DNM3: variants seen among roughly 807,000 people sequenced by gnomAD.
The protein encoded by DNM3 is dynamin 3.
Under a neutral mutation model 101.6 loss-of-function variants are expected in DNM3, and 47 were observed. The ratio of observed to expected loss-of-function variants is 0.46; its 90% CI spans 0.37 to 0.59. DNM3 has a LOEUF of 0.59. Ranked by LOEUF, DNM3 falls within the 20% of genes least tolerant of loss-of-function variation. The probability of loss-of-function intolerance (pLI) is 0.00; values close to 1 mark genes in which losing one functional copy is unlikely to be tolerated. For synonymous variants in DNM3, 385 were observed against 387.9 expected (o/e 0.99, Z 0.09); for missense variants, 849 against 1,085.7 (o/e 0.78, Z 3.06).
chr1:172,109,155 G>A (rs1202828378), intron 13 of DNM3, among the ~76,000 whole-genome samples: 2 of 151,858 alleles, frequency 1.3e-5, no homozygotes, highest in African/African-American at 2.4e-5. Context: ...GTTTAATATC[G>A]AGTCATTTTA....
At chr1:172,058,936 A>G (rs2050896846) in intron 10 of DNM3, among the ~76,000 whole-genome samples, 1 of 152,228 alleles carries the variant, frequency 6.6e-6, no homozygotes, top group Non-Finnish European at 1.5e-5. Flanking sequence ...AACAAAATTG[A>G]TAGACTGCTA....
chr1:172,250,429 A>G (rs972433765), intron 14 of DNM3, among the ~76,000 whole-genome samples: 1 of 152,192 alleles, frequency 6.6e-6, no homozygotes, highest in Non-Finnish European at 1.5e-5. Flanking sequence ...TAAAGAGGTT[A>G]GTGGATTTTC....
chr1:172,151,655 T>C (rs543000004), intron 14 of DNM3, among the ~76,000 whole-genome samples: 1 of 152,310 alleles, frequency 6.6e-6, no homozygotes, highest in East Asian at 1.9e-4. Context: ...AATCATTTTT[T>C]CTTTAAAGGA....
chr1:172,092,957 C>A, intron 13 of DNM3, 82 bp downstream of exon 13: 2 of 1,307,388 alleles, frequency 1.5e-6, no homozygotes, highest in Non-Finnish European at 1.0e-6. Context: ...TTTTTTAATG[C>A]AAATTAATCA....
chr1:172,234,548 G>A (rs534870565), intron 14 of DNM3, among the ~76,000 whole-genome samples: 1 of 152,188 alleles, frequency 6.6e-6, no homozygotes, highest in African/African-American at 2.4e-5. Context: ...AAGTTCATAT[G>A]CAACCAAAAA....
chr1:171,914,862 A>C (rs2039589899), intron 1 of DNM3, among the ~76,000 whole-genome samples: 1 of 152,100 alleles, frequency 6.6e-6, no homozygotes, highest in East Asian at 1.9e-4. Flanking sequence ...CTCTGAGGGA[A>C]CACACAAGGG....
At chr1:172,246,491 T>C (rs2061960110) in intron 14 of DNM3, among the ~76,000 whole-genome samples, 1 of 152,072 alleles carries the variant, frequency 6.6e-6, no homozygotes. Flanking sequence ...AAAATGTAAA[T>C]TAAGTCTGAG....
At chr1:171,851,292 A>G (rs1489423309) in intron 1 of DNM3, among the ~76,000 whole-genome samples, 1 of 152,188 alleles carries the variant, frequency 6.6e-6, no homozygotes, top group East Asian at 1.9e-4. Context: ...GTGCCGGCAT[A>G]TGGCAGGAGC....
chr1:172,350,385 C>T (rs1056332450), intron 17 of DNM3, among the ~76,000 whole-genome samples: 1 of 151,648 alleles, frequency 6.6e-6, no homozygotes, highest in Admixed American at 6.6e-5. Flanking sequence ...CAGCTAGTGA[C>T]TTAATATGCT....
intron 13 of DNM3, among the ~76,000 whole-genome samples, chr1:172,127,752 A>G (rs142031195): frequency 6.6e-6 from 1 of 152,188 alleles, no homozygotes; most frequent in Non-Finnish European, 1.5e-5. Flanking sequence ...ATTGTTGCCC[A>G]TGCTAAAGAA....
intron 1 of DNM3, among the ~76,000 whole-genome samples, chr1:171,874,732 G>A (rs2035601111): frequency 6.6e-6 from 1 of 151,828 alleles, no homozygotes; most frequent in Admixed American, 6.6e-5. Flanking sequence ...GCATGATGCT[G>A]AGGTTTGGAG....
intron 20 of DNM3, among the ~76,000 whole-genome samples, chr1:172,399,300 A>C (rs1329276736): frequency 6.6e-6 from 1 of 152,174 alleles, no homozygotes; most frequent in Non-Finnish European, 1.5e-5. Context: ...CCAACAATGA[A>C]AATTCTGTTT....
At chr1:172,038,587 T>C (rs2049135794) in intron 7 of DNM3, 126 bp downstream of exon 7, 1 of 1,217,918 alleles carries the variant, frequency 8.2e-7, no homozygotes, top group Admixed American at 2.5e-5. Context: ...ATCTATATGA[T>C]ACAAGATAAC....
intron 9 of DNM3, among the ~76,000 whole-genome samples, chr1:172,046,326 G>A (rs1025816612): frequency 6.6e-6 from 1 of 152,052 alleles, no homozygotes; most frequent in Non-Finnish European, 1.5e-5. Flanking sequence ...AACACCACAT[G>A]TTCTCACTCA....
intron 13 of DNM3, among the ~76,000 whole-genome samples, chr1:172,125,991 C>T (rs932465813): frequency 2.0e-5 from 3 of 151,944 alleles, no homozygotes; most frequent in African/African-American, 7.3e-5. Flanking sequence ...TTAATTTCCC[C>T]TTATTGGTCT....
intron 1 of DNM3, among the ~76,000 whole-genome samples, chr1:171,907,588 C>T (rs1395398589): frequency 4.6e-5 from 7 of 152,108 alleles, no homozygotes; most frequent in African/African-American, 1.7e-4. Flanking sequence ...TACAGAGTTC[C>T]TACAATGGCT....
chr1:172,270,860 A>C (rs2063056585), intron 15 of DNM3, among the ~76,000 whole-genome samples: 1 of 152,198 alleles, frequency 6.6e-6, no homozygotes, highest in Non-Finnish European at 1.5e-5. Flanking sequence ...AGTTTCAAAA[A>C]ATGCAGTTGC....
At chr1:172,157,401 G>A (rs1055266537) in intron 14 of DNM3, among the ~76,000 whole-genome samples, 12 of 152,206 alleles carry the variant, frequency 7.9e-5, no homozygotes, top group African/African-American at 2.2e-4. Context: ...CTGGTACTGC[G>A]TTCGTGGTTC....
chr1:172,081,497 G>A (rs1156698658), intron 11 of DNM3, among the ~76,000 whole-genome samples: 2 of 152,132 alleles, frequency 1.3e-5, no homozygotes, highest in Non-Finnish European at 2.9e-5. Context: ...CATCTTATTT[G>A]TGCTTGTCCT....
Sources: allele counts gnomAD v4.1 joint callset (sites outside exome capture counted in the v4.1 genomes callset), GRCh38; gene constraint gnomAD v4.1.1; transcripts MANE v1.5; gene names NCBI Gene and HGNC (gene_info 2026-07-23, HGNC 2026-07-21).